PLCL1: variants seen among roughly 807,000 people sequenced by gnomAD.
PLCL1 encodes the protein phospholipase C like 1 (inactive).
In PLCL1, 41 loss-of-function variants were observed where a neutral mutation model predicts 84.4. The ratio of observed to expected loss-of-function variants is 0.49; its 90% confidence interval spans 0.38 to 0.63. The LOEUF (loss-of-function observed/expected upper bound fraction) is 0.63, where lower values mean the gene tolerates loss of function less well. Among genes scored for constraint, PLCL1 ranks in the 30% least tolerant of loss-of-function variants. PLCL1 has a pLI of 0.00. For missense variants in PLCL1, 1,206 were observed against 1,367.8 expected, an observed-to-expected ratio of 0.88 and a Z score of 1.87; for synonymous variants, 490 against 488.3, an observed-to-expected ratio of 1.00 and a Z score of -0.05.
chr2:197,984,368 T>A (rs572604375), intron 1 of PLCL1, among the ~76,000 whole-genome samples: 2 of 152,304 alleles, frequency 1.3e-5, no homozygotes, highest in African/African-American at 4.8e-5. Flanking sequence ...CTTAGCACCA[T>A]AGATGGTAAT....
rs754629488 is a variant in PLCL1, at chr2:198,085,538, C to T, written c.2021C>T (p.Pro674Leu). The T allele has an allele frequency of 6.2e-7, 1 of 1,613,718 alleles. No homozygotes were observed. The highest frequency in any genetic ancestry group is 8.5e-7 in the Non-Finnish European group (1 of 1,179,664). Residue 674 changes from proline (P) to leucine (L), a missense_variant, in exon 2 of 6, where the codon CCG (proline) becomes CTG (leucine). Transcript: ENST00000428675. This position sits in a 1 kb window ranked among gnomAD's most constrained non-coding sequence, Gnocchi z 5.3. ...ATTGTAGCAATGAATTTTCAGACTC[C>T]GGGTCCAATGATGGACCTTCACACG... Reference protein sequence around the residue: ...CQIVAMNFQTPGPMMDLHTGW... With the variant: ...CQIVAMNFQTLGPMMDLHTGW...
rs765136732 is a variant in PLCL1, at chr2:198,083,761, C to A, written c.244C>A (p.Pro82Thr). 2 of 1,570,970 alleles carry A rather than the reference C, an allele frequency of 1.3e-6. No homozygotes were observed. The highest frequency in any genetic ancestry group is 1.7e-6 in the Non-Finnish European group (2 of 1,160,420). ...TPRRSSIIKD[P>T]SNQKCGGRKK... The stretch of plus-strand genomic sequence containing the variant: ...TTTTTTTCAAATTATTTTACAGGAT[C>A]CTTCAAACCAAAAATGTGGTGGAAG... Residue 82 changes from proline to threonine, a missense_variant, in exon 2 of 6, where the codon CCT becomes ACT. By Grantham distance (38) the Pro-to-Thr change is conservative. Coordinates refer to ENST00000428675, the MANE Select transcript of PLCL1 (RefSeq NM_006226.4).
At chr2:197,892,325 G>T (rs1288367305) in intron 1 of PLCL1, among the ~76,000 whole-genome samples, 2 of 152,156 alleles carry the variant, frequency 1.3e-5, no homozygotes, top group African/African-American at 2.4e-5. Flanking sequence ...TTCCTAAACT[G>T]ACTGTCTGAT....
At chr2:197,824,954 T>C (rs1041393323) in intron 1 of PLCL1, among the ~76,000 whole-genome samples, 9 of 152,126 alleles carry the variant, frequency 5.9e-5, no homozygotes, top group Non-Finnish European at 8.8e-5. Context: ...TTGGCAGCTA[T>C]TACTCATTTT....
chr2:197,864,176 A>C (rs1687484159), intron 1 of PLCL1, among the ~76,000 whole-genome samples: 1 of 152,178 alleles, frequency 6.6e-6, no homozygotes, highest in South Asian at 2.1e-4. Context: ...TCAATAAGGC[A>C]GTGGAGGTTA....
chr2:197,973,710 A>G (rs544636372), intron 1 of PLCL1, among the ~76,000 whole-genome samples: 2 of 152,340 alleles, frequency 1.3e-5, no homozygotes, highest in South Asian at 2.1e-4. Context: ...GCCGGAGTAC[A>G]TGAGCAAAGG....
intron 1 of PLCL1, among the ~76,000 whole-genome samples, chr2:197,853,547 G>T (rs1031772252): frequency 6.6e-6 from 1 of 152,182 alleles, no homozygotes; most frequent in Admixed American, 6.5e-5. Flanking sequence ...ATCAGGGTTA[G>T]AGATAATGTA....
Position 197,894,522 on chromosome 2 carries a change from AT to A in PLCL1, c.240+89192del, listed in dbSNP as rs1045938050. Reference sequence around the variant, plus strand: ...AGTTCTTTGTCAGTATAACTAGCTCATTTTTTTTTGGGTGCAATAGTTACAC... The same window carrying A: ...AGTTCTTTGTCAGTATAACTAGCTCATTTTTTTTGGGTGCAATAGTTACAC... On this transcript the variant is annotated intron_variant, in intron 1 of 5. Coordinates refer to ENST00000428675, the MANE Select transcript of PLCL1 (RefSeq NM_006226.4). Among the ~76,000 whole-genome samples the A allele has an allele frequency of 2.3e-4, 35 of 150,542 alleles. No individual in the cohort carries two copies. The South Asian group carries it at 3.8e-3, about 16-fold the overall frequency.
chr2:197,832,353 A>G (rs1691085295), intron 1 of PLCL1, among the ~76,000 whole-genome samples: 1 of 152,226 alleles, frequency 6.6e-6, no homozygotes, highest in Admixed American at 6.5e-5. Flanking sequence ...AATACGAACT[A>G]CCATAAGAGA....
chr2:198,062,691 T>G (rs576028590), intron 1 of PLCL1, among the ~76,000 whole-genome samples: 1 of 152,178 alleles, frequency 6.6e-6, no homozygotes, highest in Non-Finnish European at 1.5e-5. Context: ...TTTTCAAATT[T>G]TCCTGACCAT....
At chr2:197,829,942 T>C (rs1189978346) in intron 1 of PLCL1, among the ~76,000 whole-genome samples, 1 of 152,166 alleles carries the variant, frequency 6.6e-6, no homozygotes, top group East Asian at 1.9e-4. Context: ...CATTTACTCA[T>C]TTACAAGTAT....
Position 198,075,755 on chromosome 2 carries a change from C to G in PLCL1, c.241-8003C>G, listed in dbSNP as rs534128321. Among the ~76,000 whole-genome samples, 12 of 152,260 alleles carry G rather than the reference C, an allele frequency of 7.9e-5. No homozygotes were observed. The East Asian group carries it at 1.9e-3, about 24-fold the overall frequency. On this transcript the variant is annotated intron_variant, in intron 1 of 5. Transcript: ENST00000428675. Reference sequence around the variant, plus strand: ...AGAAACATTCTTTATACATTTTGCTCTAATTATTAAATTTGATGATCTTTG... The same window carrying G: ...AGAAACATTCTTTATACATTTTGCTGTAATTATTAAATTTGATGATCTTTG...
chr2:197,834,464 C>A (rs1381437943), intron 1 of PLCL1, among the ~76,000 whole-genome samples: 3 of 152,138 alleles, frequency 2.0e-5, no homozygotes, highest in African/African-American at 7.2e-5. Flanking sequence ...AAGAAAAAAA[C>A]AACCCCATCA....
intron 1 of PLCL1, among the ~76,000 whole-genome samples, chr2:197,891,240 A>G (rs578178969): frequency 6.6e-6 from 1 of 152,174 alleles, no homozygotes; most frequent in Non-Finnish European, 1.5e-5. Flanking sequence ...AGAGCCACAT[A>G]TAGGCCCATG....
chr2:197,938,330 C>T (rs1190750248), intron 1 of PLCL1, among the ~76,000 whole-genome samples: 1 of 152,168 alleles, frequency 6.6e-6, no homozygotes, highest in Non-Finnish European at 1.5e-5. Flanking sequence ...TCTATAGTAA[C>T]CTCCTCATTG....
At chr2:198,021,458 G>T (rs898128325) in intron 1 of PLCL1, among the ~76,000 whole-genome samples, 1 of 152,108 alleles carries the variant, frequency 6.6e-6, no homozygotes. Context: ...ATGAATCCAG[G>T]AGCTGTTTTT....
chr2:197,823,612 C>G (rs980183654), intron 1 of PLCL1, among the ~76,000 whole-genome samples: 5 of 152,114 alleles, frequency 3.3e-5, no homozygotes, highest in Non-Finnish European at 7.4e-5. Flanking sequence ...ATGTTTGAGT[C>G]ATGGAGCAAA....
intron 1 of PLCL1, among the ~76,000 whole-genome samples, chr2:197,819,980 C>A (rs959106319): frequency 1.3e-5 from 2 of 151,506 alleles, no homozygotes; most frequent in Non-Finnish European, 2.9e-5. Flanking sequence ...GTCTTCCAAA[C>A]CTGCAACCTG....
rs2105897565 is a variant in PLCL1, at chr2:198,084,876, A to G, written c.1359A>G (p.Glu453=). Residue 453 remains glutamate (E), a synonymous_variant, in exon 2 of 6, where the codon GAA becomes GAG. Coordinates refer to ENST00000428675, the MANE Select transcript of PLCL1 (RefSeq NM_006226.4). ...ELDVSDGSDN[E]PILCNRNNMT... is the part of the protein sequence containing the mutation. Reference sequence around the variant, plus strand: ...ATGTAAGTGATGGTTCAGATAATGAACCAATCCTTTGTAATCGAAATAACA... The same window carrying G: ...ATGTAAGTGATGGTTCAGATAATGAGCCAATCCTTTGTAATCGAAATAACA... 6.2e-7 allele frequency: 1 copy of G among 1,614,012 alleles called. No individual in the cohort carries two copies. Among genetic ancestry groups the G allele is most frequent in the East Asian group, 2.2e-5 (1 of 44,880 alleles).
Sources: gnomAD v4.1 joint callset for allele counts (sites outside exome capture counted in the v4.1 genomes callset) on GRCh38, gnomAD v4.1.1 for gene constraint, Gnocchi (gnomAD v3.1) non-coding constraint, MANE v1.5 for transcripts, NCBI Gene and HGNC (gene_info 2026-07-23, HGNC 2026-07-21) for gene names.